The following GPHN variants were observed in gnomAD, a reference collection of about 807,000 sequenced individuals.
The protein encoded by GPHN is gephyrin.
GPHN carries 17 observed loss-of-function variants against 95.5 expected under a neutral mutation model. The ratio of observed to expected loss-of-function variants is 0.18; its 90% CI spans 0.12 to 0.27. The LOEUF (loss-of-function observed/expected upper bound fraction) is 0.27. Ranked by LOEUF, GPHN falls within the 10% of genes least tolerant of loss-of-function variation. The pLI, the probability that GPHN is intolerant of heterozygous loss-of-function variation, is 1.00. For synonymous variants in GPHN, 320 were observed against 322.5 expected (o/e 0.99, Z 0.08); for missense variants, 660 against 978.1 (o/e 0.67, Z 4.34).
At chr14:67,360,421 C>T in the GPHN span, 6 of 392,830 alleles carry the variant, frequency 1.5e-5, no homozygotes, top group Admixed American at 4.4e-5. Flanking sequence ...GAAGTCGGCT[C>T]TGGGCTCCAG....
chr14:66,798,344 G>C (rs1046629183), intron 3 of GPHN, among the ~76,000 whole-genome samples: 26 of 151,834 alleles, frequency 1.7e-4, no homozygotes, highest in Non-Finnish European at 2.7e-4. Context: ...AATGAATTTA[G>C]AAGTATTCCC....
Position 66,630,420 on chromosome 14 carries a change from T to A in GPHN, c.65-50687T>A, listed in dbSNP as rs73281694. 2.1e-3 allele frequency among the ~76,000 whole-genome samples: 319 copies of A among 152,200 alleles called. 1 individual carries two copies. Among genetic ancestry groups the A allele is most frequent in the African/African-American group, 7.2e-3 (300 of 41,546 alleles). On this transcript the variant is annotated intron_variant, in intron 1 of 22. Coordinates refer to ENST00000478722, the MANE Select transcript of GPHN (RefSeq NM_020806.5). Reference sequence around the variant, plus strand: ...AGAAATAAATGTCAGAAGCAGAAATTGGAAGAAATAAAGAATGGCAAGTTT... The same window carrying A: ...AGAAATAAATGTCAGAAGCAGAAATAGGAAGAAATAAAGAATGGCAAGTTT...
At chr14:67,684,876 C>T in the GPHN span, 1 of 577,278 alleles carries the variant, frequency 1.7e-6, no homozygotes, top group Non-Finnish European at 2.9e-6. Context: ...AATTCCCCTA[C>T]TAAAAGGTAA....
the GPHN span, chr14:67,722,835 CAGGA>C: frequency 1.2e-6 from 1 of 861,554 alleles, no homozygotes; most frequent in Non-Finnish European, 2.0e-6. Context: ...GCAGGAAAAG[CAGGA>C]AGGAAGGGGG....
At chr14:67,444,802 C>T in the GPHN span, among the ~76,000 whole-genome samples, 1 of 152,152 alleles carries the variant, frequency 6.6e-6, no homozygotes, top group African/African-American at 2.4e-5. Context: ...CTCTGTCACC[C>T]AGGTTGGAGT....
chr14:67,187,836 T>C, the GPHN span, among the ~76,000 whole-genome samples: 2 of 152,274 alleles, frequency 1.3e-5, no homozygotes, highest in Admixed American at 6.5e-5. Context: ...AATCCTCCAA[T>C]TGGACTAAGT....
chr14:66,848,259 C>T (rs1331691895), intron 4 of GPHN, among the ~76,000 whole-genome samples: 2 of 151,898 alleles, frequency 1.3e-5, no homozygotes. Flanking sequence ...TATTCATAGC[C>T]GTAGTAGTAC....
chr14:66,563,869 T>G, intron 1 of GPHN, among the ~76,000 whole-genome samples: 1 of 152,214 alleles, frequency 6.6e-6, no homozygotes, highest in Middle Eastern at 3.2e-3. Flanking sequence ...AGTCTGGCTT[T>G]TCTTGCTTAC....
At chr14:67,183,162 TA>T (rs572142149), downstream of GPHN, among the ~76,000 whole-genome samples, 31 of 152,310 alleles carry the variant, frequency 2.0e-4, no homozygotes, top group South Asian at 6.4e-3. Context: ...ACAACAATTA[TA>T]GGGGTGTCGT....
chr14:67,102,033 G>A (rs544801128), intron 13 of GPHN, among the ~76,000 whole-genome samples: 15 of 151,828 alleles, frequency 9.9e-5, no homozygotes, highest in East Asian at 9.8e-4. Flanking sequence ...CACCACGCCC[G>A]CCTAATTTTT....
intron 12 of GPHN, among the ~76,000 whole-genome samples, chr14:67,092,366 T>C (rs1427683786): frequency 6.6e-6 from 1 of 152,124 alleles, no homozygotes; most frequent in East Asian, 1.9e-4. Flanking sequence ...TCCTTCTCTC[T>C]ACCCCTGTCT....
At chr14:67,324,690 C>T in the GPHN span, among the ~76,000 whole-genome samples, 1 of 151,620 alleles carries the variant, frequency 6.6e-6, no homozygotes, top group Admixed American at 6.6e-5. Flanking sequence ...CCCACGTGAT[C>T]CTCTCACCCC....
At chr14:66,758,791 G>A (rs993795886) in intron 2 of GPHN, among the ~76,000 whole-genome samples, 2 of 152,096 alleles carry the variant, frequency 1.3e-5, no homozygotes, top group Non-Finnish European at 2.9e-5. Context: ...TAATTGCCCA[G>A]AACTAGAATA....
chr14:66,877,493 C>T (rs2063724872), intron 4 of GPHN, among the ~76,000 whole-genome samples: 1 of 152,170 alleles, frequency 6.6e-6, no homozygotes. Flanking sequence ...ACCCCATTGT[C>T]TCAGCCCAAA....
chr14:67,719,799 TAA>T, the GPHN span, among the ~76,000 whole-genome samples: 1 of 152,222 alleles, frequency 6.6e-6, no homozygotes, highest in African/African-American at 2.4e-5. Context: ...TTTATTTACT[TAA>T]GTTTTTTATT....
intron 3 of GPHN, among the ~76,000 whole-genome samples, chr14:66,785,766 C>G (rs572495222): frequency 4.6e-4 from 68 of 147,394 alleles, no homozygotes; most frequent in African/African-American, 1.7e-3. Flanking sequence ...TCAGGAAAAG[C>G]TCTAATACAT....
the GPHN span, among the ~76,000 whole-genome samples, chr14:67,314,633 G>A: frequency 1.4e-4 from 21 of 152,180 alleles, no homozygotes; most frequent in Admixed American, 4.6e-4. Flanking sequence ...CTACCATGCC[G>A]AACTTTAGCC....
At chr14:66,802,306 G>C (rs2060384799) in intron 3 of GPHN, among the ~76,000 whole-genome samples, 2 of 152,086 alleles carry the variant, frequency 1.3e-5, no homozygotes, top group Non-Finnish European at 1.5e-5. Flanking sequence ...AGGCCCAAAG[G>C]CTCTTCTATC....
chr14:66,888,283 C>T (rs996135547), intron 5 of GPHN, among the ~76,000 whole-genome samples: 8 of 151,732 alleles, frequency 5.3e-5, no homozygotes, highest in African/African-American at 1.2e-4. Flanking sequence ...TAGAGAAAAT[C>T]GAAAATAAAA....
Sources: allele counts gnomAD v4.1 joint callset (sites outside exome capture counted in the v4.1 genomes callset), GRCh38; gene constraint gnomAD v4.1.1; transcripts MANE v1.5; gene names NCBI Gene and HGNC (gene_info 2026-07-23, HGNC 2026-07-21).